Variants in KIAA0825 observed in about 807,000 individuals in gnomAD.
The protein encoded by KIAA0825 is uncharacterized protein KIAA0825.
In KIAA0825, 119 loss-of-function variants were observed where a neutral mutation model predicts 147.6. The ratio of observed to expected loss-of-function variants is 0.81; its 90% CI spans 0.69 to 0.94. The LOEUF (loss-of-function observed/expected upper bound fraction) is 0.94, where lower values mean the gene tolerates loss of function less well. Ranked by LOEUF, KIAA0825 falls within the 40% of genes least tolerant of loss-of-function variation. The pLI is 0.00. For missense variants in KIAA0825, 1,381 were observed against 1,472.7 expected (o/e 0.94, Z 1.02); for synonymous variants, 470 against 518.1 (o/e 0.91, Z 1.26).
chr5:94,522,730 T>A (rs1768465413), intron 4 of KIAA0825, among the ~76,000 whole-genome samples: 1 of 151,594 alleles, frequency 6.6e-6, no homozygotes. Context: ...TAAAATAACA[T>A]GATCAATTAT....
At chr5:94,353,792 G>A (rs366404) in intron 20 of KIAA0825, among the ~76,000 whole-genome samples, 29,621 of 151,804 alleles carry the variant, frequency 0.2, 3,356 homozygotes, top group Non-Finnish European at 0.25. Context: ...CAAAAGGGTC[G>A]GGGGCAGGGA....
chr5:94,525,103 A>G lies in KIAA0825; in HGVS notation c.132-1005T>C, dbSNP rs572300787. Among the ~76,000 whole-genome samples the G allele has an allele frequency of 3.9e-5, 6 of 151,942 alleles. No individual in the cohort carries two copies. In the South Asian group the frequency reaches 8.3e-4, roughly 21 times the overall value. On this transcript the variant is annotated intron_variant, in intron 3 of 20. Transcript: ENST00000682413. The stretch of plus-strand genomic sequence containing the variant: ...CTTTCAAACAGGCAAATTCCTTTGA[A>G]GCTGAAACACCTCACCAAAAATTGA...
intron 2 of KIAA0825, among the ~76,000 whole-genome samples, chr5:94,575,503 G>T (rs1178096843): frequency 2.0e-5 from 3 of 152,184 alleles, no homozygotes; most frequent in Admixed American, 6.5e-5. Context: ...TGGGCTTCAG[G>T]CCCAATTCAC....
chr5:94,390,153 G>A (rs764493859), intron 18 of KIAA0825, among the ~76,000 whole-genome samples: 1 of 152,080 alleles, frequency 6.6e-6, no homozygotes, highest in Non-Finnish European at 1.5e-5. Context: ...ATTCAATTTT[G>A]GATGATATTG....
At chr5:94,182,408 T>C (rs967412428) in intron 20 of KIAA0825, among the ~76,000 whole-genome samples, 42 of 151,400 alleles carry the variant, frequency 2.8e-4, no homozygotes, top group Admixed American at 9.2e-4. Flanking sequence ...TACAGGCACA[T>C]GCCACCACAC....
At chr5:94,235,160 T>A (rs1284086157) in intron 20 of KIAA0825, among the ~76,000 whole-genome samples, 2 of 152,090 alleles carry the variant, frequency 1.3e-5, no homozygotes, top group East Asian at 3.9e-4. Flanking sequence ...AGGGAGCATA[T>A]CAAAAGCCAA....
chr5:94,179,124 A>G (rs952156257), intron 20 of KIAA0825, among the ~76,000 whole-genome samples: 1 of 152,060 alleles, frequency 6.6e-6, no homozygotes, highest in African/African-American at 2.4e-5. Context: ...AGGGGTTGAG[A>G]ATGAGAGGAG....
chr5:94,326,112 A>G (rs565451005), intron 20 of KIAA0825, among the ~76,000 whole-genome samples: 3 of 152,140 alleles, frequency 2.0e-5, no homozygotes, highest in Admixed American at 1.3e-4. Flanking sequence ...CAAGGCTTCC[A>G]TTCATACTAG....
intron 2 of KIAA0825, among the ~76,000 whole-genome samples, chr5:94,551,324 A>ACGTGAAC (rs1775499293): frequency 6.6e-6 from 1 of 152,132 alleles, no homozygotes; most frequent in Non-Finnish European, 1.5e-5. Flanking sequence ...AAATTTACCA[A>ACGTGAAC]GTCCTGGGAG....
At chr5:94,608,494 T>C (rs1352172436) in intron 1 of KIAA0825, among the ~76,000 whole-genome samples, 1 of 32,944 alleles carries the variant, frequency 3.0e-5, no homozygotes, top group Non-Finnish European at 5.2e-5. Flanking sequence ...TATATATAAT[T>C]ATATATATAT....
intron 2 of KIAA0825, among the ~76,000 whole-genome samples, chr5:94,555,436 T>G (rs1776362336): frequency 6.6e-6 from 1 of 152,182 alleles, no homozygotes; most frequent in African/African-American, 2.4e-5. Flanking sequence ...TTATGTAAAC[T>G]AGATTATCTA....
At chr5:94,437,050 G>T (rs1392524132) in intron 14 of KIAA0825, among the ~76,000 whole-genome samples, 2 of 152,120 alleles carry the variant, frequency 1.3e-5, no homozygotes, top group Admixed American at 6.6e-5. Flanking sequence ...CACATAAAAA[G>T]CTGATAGTTA....
At chr5:94,324,946 C>A (rs1454630122) in intron 20 of KIAA0825, among the ~76,000 whole-genome samples, 2 of 151,924 alleles carry the variant, frequency 1.3e-5, no homozygotes, top group Non-Finnish European at 2.9e-5. Flanking sequence ...AAAAAAAATT[C>A]TGAACCCTAA....
chr5:94,520,464 A>T lies in KIAA0825; in HGVS notation c.754T>A (p.Tyr252Asn), dbSNP rs1010843110. The change falls in exon 5 of 21, where the codon TAC (tyrosine) becomes AAC (asparagine). Residue 252 changes from tyrosine to asparagine, a missense_variant. Tyr to Asn is a moderately radical substitution (Grantham distance 143). Coordinates refer to ENST00000682413, the MANE Select transcript of KIAA0825 (RefSeq NM_001145678.3). ...TTAAAATCCTCTTTTATTACTGAGT[A>T]TAACTTAAGCATTGTACTTTGATAT... ...HGYQSTMLKL[Y>N]SVIKEDFNTL... 3.1e-6 allele frequency: 5 copies of T among 1,612,862 alleles called. No homozygotes were observed. Among genetic ancestry groups the T allele is most frequent in the Non-Finnish European group, 4.2e-6 (5 of 1,179,064 alleles).
At chr5:94,276,013 T>A (rs2150148707) in intron 20 of KIAA0825, among the ~76,000 whole-genome samples, 1 of 152,138 alleles carries the variant, frequency 6.6e-6, no homozygotes, top group East Asian at 1.9e-4. Flanking sequence ...TTAATCCACA[T>A]CTCCAAATGT....
intron 20 of KIAA0825, among the ~76,000 whole-genome samples, chr5:94,306,752 A>G (rs1346614424): frequency 6.6e-6 from 1 of 151,880 alleles, no homozygotes; most frequent in Non-Finnish European, 1.5e-5. Context: ...AGCAATACTG[A>G]TATCAATCCT....
chr5:94,262,741 T>C (rs1478062786), intron 20 of KIAA0825, among the ~76,000 whole-genome samples: 1 of 152,162 alleles, frequency 6.6e-6, no homozygotes, highest in Admixed American at 6.6e-5. Context: ...TATGTCCCCT[T>C]ATTAATTTAA....
chr5:94,377,300 G>A (rs1326864325), intron 20 of KIAA0825, among the ~76,000 whole-genome samples: 1 of 152,114 alleles, frequency 6.6e-6, no homozygotes, highest in African/African-American at 2.4e-5. Flanking sequence ...ATATTCAGAT[G>A]GTTAAAATAG....
intron 1 of KIAA0825, chr5:94,593,811 T>C (rs1008326295): frequency 3.0e-6 from 1 of 335,716 alleles, no homozygotes; most frequent in African/African-American, 2.2e-5. Context: ...CTTGGAGAAT[T>C]ATTGCTTAGT....
Sources: gnomAD v4.1 joint callset for allele counts (sites outside exome capture counted in the v4.1 genomes callset) on GRCh38, gnomAD v4.1.1 for gene constraint, MANE v1.5 for transcripts, NCBI Gene and HGNC (gene_info 2026-07-23, HGNC 2026-07-21) for gene names.